Variants in LRRC72 observed in about 807,000 individuals in gnomAD.
LRRC72 encodes leucine rich repeat containing 72.
In LRRC72, 41 loss-of-function variants were observed where a neutral mutation model predicts 35.8. The observed-to-expected ratio is 1.15, with a 90% CI of 0.89 to 1.49. The LOEUF (loss-of-function observed/expected upper bound fraction) is 1.49. Ranked by LOEUF, LRRC72 falls within the 40% of genes most tolerant of loss-of-function variation. The pLI, the probability that LRRC72 is intolerant of heterozygous loss-of-function variation, is 0.00. For missense variants in LRRC72, 389 were observed against 330.7 expected, an observed-to-expected ratio of 1.18 and a Z score of -1.37; for synonymous variants, 118 against 119.2, an observed-to-expected ratio of 0.99 and a Z score of 0.07.
chr7:16,548,448 A>G (rs902184361), intron 3 of LRRC72, among the ~76,000 whole-genome samples: 1 of 152,234 alleles, frequency 6.6e-6, no homozygotes, highest in Admixed American at 6.5e-5. Flanking sequence ...GAGCTCCCCA[A>G]GCCAGGGCTG....
At chr7:16,547,621 A>C (rs1207445501) in intron 3 of LRRC72, among the ~76,000 whole-genome samples, 1 of 152,002 alleles carries the variant, frequency 6.6e-6, no homozygotes, top group Non-Finnish European at 1.5e-5. Context: ...GTCAGCACCC[A>C]CTCCAATAAC....
At chr7:16,553,817 A>G (rs530129708) in intron 3 of LRRC72, among the ~76,000 whole-genome samples, 1 of 152,334 alleles carries the variant, frequency 6.6e-6, no homozygotes, top group East Asian at 1.9e-4. Context: ...TGTACCTAGT[A>G]GTACCCTAGT....
At chr7:16,569,341 A>G (rs1583651777) in intron 7 of LRRC72, among the ~76,000 whole-genome samples, 1 of 151,988 alleles carries the variant, frequency 6.6e-6, no homozygotes, top group African/African-American at 2.4e-5. Flanking sequence ...CAGGAGAATC[A>G]CTTGAACCTG....
chr7:16,574,731 G>T (rs902521701), intron 7 of LRRC72, among the ~76,000 whole-genome samples: 3 of 151,860 alleles, frequency 2.0e-5, no homozygotes, highest in African/African-American at 7.3e-5. Flanking sequence ...AAACCATCAT[G>T]GCACATGTGT....
intron 7 of LRRC72, among the ~76,000 whole-genome samples, chr7:16,577,956 T>C (rs1281091798): frequency 6.6e-6 from 1 of 152,190 alleles, no homozygotes; most frequent in Non-Finnish European, 1.5e-5. Flanking sequence ...TGGATGACCA[T>C]ATGGCAGTAT....
chr7:16,558,169 G>A (rs1341571977), intron 4 of LRRC72, among the ~76,000 whole-genome samples: 2 of 152,108 alleles, frequency 1.3e-5, no homozygotes, highest in Non-Finnish European at 2.9e-5. Context: ...GCAATTTGGA[G>A]GAGATGAGTA....
At chr7:16,563,037 A>G (rs1350914134) in intron 5 of LRRC72, among the ~76,000 whole-genome samples, 3 of 152,086 alleles carry the variant, frequency 2.0e-5, no homozygotes, top group African/African-American at 4.8e-5. Context: ...GAGCCTCACA[A>G]TCCTCCTATC....
chr7:16,541,045 AG>A (rs1330044831), intron 3 of LRRC72, among the ~76,000 whole-genome samples: 1 of 152,174 alleles, frequency 6.6e-6, no homozygotes, highest in Admixed American at 6.5e-5. Context: ...TTTCTCTTAA[AG>A]GCTAGGGTTA....
At chr7:16,573,447 A>G (rs1038214238) in intron 7 of LRRC72, among the ~76,000 whole-genome samples, 3 of 152,230 alleles carry the variant, frequency 2.0e-5, no homozygotes, top group South Asian at 2.1e-4. Flanking sequence ...TACTTGTACC[A>G]AAACAGATAT....
At chr7:16,530,642 G>A (rs7781903) in intron 1 of LRRC72, 70,345 of 151,994 alleles carry the variant, frequency 0.46, 16,407 homozygotes, top group East Asian at 0.61. Flanking sequence ...ATTCCAATTA[G>A]TGGGGACTAT....
In LRRC72 at chr7:16,532,752, A is replaced by T. The variant is rs201685066; in HGVS notation, c.164+184A>T. 74 of 11,378 alleles carry T rather than the reference A, an allele frequency of 6.5e-3. No homozygotes were observed. In the East Asian group the frequency reaches 0.5, roughly 77 times the overall value. The allele number at this position is 11,378 out of a possible 1,614,324, so 0.7% of individuals were successfully genotyped here. A position where few individuals can be genotyped will look rare whatever the true frequency, so the allele number is the denominator to read the frequency against. On this transcript the variant is annotated intron_variant, in intron 2 of 8. Coordinates refer to ENST00000401542, the MANE Select transcript of LRRC72 (RefSeq NM_001195280.2). ...GAGAGACAAGATACTGAAATTGATT[A>T]AAAAAAAAAAAATTATGGAGACAGG... is the stretch of plus-strand genomic sequence containing the variant.
At chr7:16,546,839 A>G (rs937268575) in intron 3 of LRRC72, among the ~76,000 whole-genome samples, 2 of 152,012 alleles carry the variant, frequency 1.3e-5, no homozygotes, top group African/African-American at 4.8e-5. Context: ...CATCCTCCAC[A>G]AGGCCTACTC....
chr7:16,538,042 G>C (rs943023567), intron 3 of LRRC72, among the ~76,000 whole-genome samples: 1 of 152,110 alleles, frequency 6.6e-6, no homozygotes, highest in African/African-American at 2.4e-5. Flanking sequence ...ATCTCTCTTA[G>C]GTAATACAAA....
At chr7:16,557,750 A>G (rs1011207080) in intron 4 of LRRC72, among the ~76,000 whole-genome samples, 8 of 152,184 alleles carry the variant, frequency 5.3e-5, no homozygotes, top group Non-Finnish European at 8.8e-5. Context: ...AAATACAAAA[A>G]CTTTATAAAT....
rs973169193 is a variant in LRRC72 at position 16,567,293 on chromosome 7, G to A, written c.518-98G>A. On this transcript the variant is annotated intron_variant, in intron 6 of 8. Coordinates refer to ENST00000401542, the MANE Select transcript of LRRC72 (RefSeq NM_001195280.2). ...TGACAGGATGTTCTCATATATCATA[G>A]TTTAGATAAATACATTCTTGAAAGT... 3.4e-6 allele frequency: 3 copies of A among 893,442 alleles called. No homozygotes were observed. The Admixed American group carries it at 1.1e-4, about 32-fold the overall frequency. 55.3% of individuals were successfully genotyped at this position (893,442 alleles called of 1,614,324 possible). A position where few individuals can be genotyped will look rare whatever the true frequency, so the allele number is the denominator to read the frequency against.
intron 3 of LRRC72, among the ~76,000 whole-genome samples, chr7:16,541,971 A>T (rs1181717708): frequency 2.6e-5 from 4 of 151,588 alleles, no homozygotes; most frequent in Non-Finnish European, 1.5e-5. Flanking sequence ...ACACACAGCC[A>T]AAACTTGTCC....
At chr7:16,533,280 A>C (rs937765061) in intron 2 of LRRC72, among the ~76,000 whole-genome samples, 5 of 152,246 alleles carry the variant, frequency 3.3e-5, no homozygotes, top group Admixed American at 3.3e-4. Context: ...GACCACTTTG[A>C]TTCCACTCGA....
At chr7:16,578,615 G>T (rs1037632929) in intron 7 of LRRC72, among the ~76,000 whole-genome samples, 1 of 152,182 alleles carries the variant, frequency 6.6e-6, no homozygotes, top group Admixed American at 6.5e-5. Flanking sequence ...ATGTATGTGT[G>T]TGAGTACACG....
intron 4 of LRRC72, 125 bp downstream of exon 4, chr7:16,557,566 G>T (rs1410082932): frequency 1.2e-5 from 4 of 344,068 alleles, no homozygotes; most frequent in Admixed American, 4.9e-5. Flanking sequence ...ATTAAGAAAT[G>T]TATTTTTTAA....
Sources: allele counts gnomAD v4.1 joint callset (sites outside exome capture counted in the v4.1 genomes callset), GRCh38; gene constraint gnomAD v4.1.1; transcripts MANE v1.5; gene names NCBI Gene and HGNC (gene_info 2026-07-23, HGNC 2026-07-21).